Variants in SHISA9 observed in about 807,000 individuals in gnomAD.
SHISA9 encodes the protein shisa family member 9, also known as protein shisa-9.
Under a neutral mutation model 38.0 loss-of-function variants are expected in SHISA9, and 13 were observed. That is an observed-to-expected ratio of 0.34 (90% CI 0.22 to 0.54). SHISA9 has a LOEUF of 0.54. SHISA9 is among the 20% of genes least tolerant of loss of function. SHISA9 has a pLI of 0.91. For synonymous variants in SHISA9, 275 were observed against 242.0 expected (o/e 1.14, Z -1.27); for missense variants, 538 against 575.8 (o/e 0.93, Z 0.67).
intron 2 of SHISA9, among the ~76,000 whole-genome samples, chr16:13,019,884 C>CTCCT (rs1567184073): frequency 0.012 from 249 of 20,914 alleles, 32 homozygotes; most frequent in East Asian, 0.042. Flanking sequence ...CCCTCCCTCC[C>CTCCT]TTCTTTCTTT....
chr16:13,419,475 A>G, the SHISA9 span, among the ~76,000 whole-genome samples: 3 of 152,080 alleles, frequency 2.0e-5, no homozygotes, highest in Admixed American at 2.0e-4. Context: ...AAGAACAACT[A>G]TTTTTTCCTA....
the SHISA9 span, among the ~76,000 whole-genome samples, chr16:13,379,910 A>G: frequency 6.6e-6 from 1 of 152,332 alleles, no homozygotes; most frequent in South Asian, 2.1e-4. Flanking sequence ...ACATTATAGT[A>G]TAGTTAATGA....
At chr16:13,226,101 T>A in intron 4 of SHISA9, among the ~76,000 whole-genome samples, 1 of 152,172 alleles carries the variant, frequency 6.6e-6, no homozygotes, top group Middle Eastern at 3.2e-3. Flanking sequence ...TGCAAGTAGC[T>A]TTTTAATATA....
the SHISA9 span, among the ~76,000 whole-genome samples, chr16:13,276,280 T>C: frequency 6.8e-6 from 1 of 146,888 alleles, no homozygotes; most frequent in South Asian, 2.1e-4. Context: ...TTCCATCATA[T>C]ATATATATAG....
the SHISA9 span, among the ~76,000 whole-genome samples, chr16:13,453,431 A>G: frequency 6.6e-6 from 1 of 152,184 alleles, no homozygotes; most frequent in Non-Finnish European, 1.5e-5. Flanking sequence ...AAAGCTTGCA[A>G]ACCTGTGTGA....
chr16:12,931,363 T>A (rs748083871), intron 2 of SHISA9, among the ~76,000 whole-genome samples: 3 of 152,140 alleles, frequency 2.0e-5, no homozygotes, highest in Non-Finnish European at 4.4e-5. Flanking sequence ...AGGTCCGGGG[T>A]GCAAATGATC....
intron 2 of SHISA9, among the ~76,000 whole-genome samples, chr16:13,052,210 G>A (rs560506362): frequency 1.3e-5 from 2 of 152,224 alleles, no homozygotes; most frequent in African/African-American, 4.8e-5. Flanking sequence ...GCAATGTGGT[G>A]TCAGACAAGT....
At chr16:13,508,050 T>C in the SHISA9 span, among the ~76,000 whole-genome samples, 2 of 152,218 alleles carry the variant, frequency 1.3e-5, no homozygotes, top group Admixed American at 1.3e-4. Context: ...TATCTTTCCA[T>C]CTAGCATTTT....
At chr16:13,341,168 T>C in the SHISA9 span, among the ~76,000 whole-genome samples, 2 of 152,174 alleles carry the variant, frequency 1.3e-5, no homozygotes, top group Admixed American at 1.3e-4. Flanking sequence ...AGATACTCAA[T>C]AAATACTTGC....
At chr16:13,104,259 A>G (rs1161123148) in intron 2 of SHISA9, among the ~76,000 whole-genome samples, 1 of 152,084 alleles carries the variant, frequency 6.6e-6, no homozygotes, top group Non-Finnish European at 1.5e-5. Flanking sequence ...GGGAATGTAA[A>G]ATGGTGCAGC....
At chr16:13,330,297 A>G in the SHISA9 span, among the ~76,000 whole-genome samples, 1 of 152,204 alleles carries the variant, frequency 6.6e-6, no homozygotes, top group South Asian at 2.1e-4. Context: ...TACTTATCAA[A>G]TGCATACAGT....
chr16:13,228,041 G>T (rs1429701336), intron 4 of SHISA9, among the ~76,000 whole-genome samples: 2 of 152,210 alleles, frequency 1.3e-5, no homozygotes, highest in Non-Finnish European at 2.9e-5. Context: ...TGTAGCAGGT[G>T]TATCTCATGC....
chr16:12,903,650 G>C (rs941453302), intron 1 of SHISA9, among the ~76,000 whole-genome samples: 1 of 152,184 alleles, frequency 6.6e-6, no homozygotes, highest in Non-Finnish European at 1.5e-5. Context: ...CCGGGCGGGC[G>C]GGGTGGAAGG....
the SHISA9 span, among the ~76,000 whole-genome samples, chr16:13,349,293 C>G: frequency 6.6e-6 from 1 of 152,236 alleles, no homozygotes; most frequent in Non-Finnish European, 1.5e-5. Context: ...CACATAGTGA[C>G]TTGCATGGAC....
chr16:13,391,327 A>G, the SHISA9 span, among the ~76,000 whole-genome samples: 2 of 152,194 alleles, frequency 1.3e-5, no homozygotes, highest in African/African-American at 4.8e-5. Context: ...TTTCCATCTG[A>G]GGTCTTGCCT....
At chr16:13,384,604 G>C in the SHISA9 span, among the ~76,000 whole-genome samples, 52 of 152,324 alleles carry the variant, frequency 3.4e-4, no homozygotes, top group Non-Finnish European at 7.1e-4. Flanking sequence ...ACATCTTTCA[G>C]GGTGGGGAGA....
At chr16:13,360,569 C>G in the SHISA9 span, among the ~76,000 whole-genome samples, 1 of 152,320 alleles carries the variant, frequency 6.6e-6, no homozygotes, top group Non-Finnish European at 1.5e-5. Context: ...GCTTCCCCTT[C>G]CGCCATGATT....
chr16:13,168,155 C>T (rs1431919203), intron 2 of SHISA9, among the ~76,000 whole-genome samples: 1 of 152,176 alleles, frequency 6.6e-6, no homozygotes, highest in African/African-American at 2.4e-5. Flanking sequence ...ACTAACCAAT[C>T]CAAAGCCCAC....
In SHISA9 at chr16:13,041,327, C is replaced by T. The variant is rs376950077; in HGVS notation, c.691+124512C>T. Among the ~76,000 whole-genome samples the T allele has an allele frequency of 1.4e-4, 22 of 152,304 alleles. 1 individual carries two copies. The East Asian group carries it at 2.7e-3, about 19-fold the overall frequency. The stretch of plus-strand genomic sequence containing the variant: ...GCTCTAGTTTTCATAATGGCTGACC[C>T]AGGCTTAGGACTCCTGCTGTTGTCT... On this transcript the variant is annotated intron_variant, in intron 2 of 4. Coordinates refer to ENST00000558583, the MANE Select transcript of SHISA9 (RefSeq NM_001145204.3).
Sources: allele counts gnomAD v4.1 joint callset (sites outside exome capture counted in the v4.1 genomes callset), GRCh38; gene constraint gnomAD v4.1.1; transcripts MANE v1.5; gene names NCBI Gene and HGNC (gene_info 2026-07-23, HGNC 2026-07-21).